LRRFIP1: variants seen among roughly 807,000 people sequenced by gnomAD.
LRRFIP1 encodes leucine-rich repeat flightless-interacting protein 1.
A neutral mutation model predicts 104.4 loss-of-function variants in LRRFIP1; 62 were observed. The observed-to-expected ratio is 0.59, with a 90% CI of 0.48 to 0.73. LRRFIP1 has a LOEUF of 0.73. Among genes scored for constraint, LRRFIP1 ranks in the 30% least tolerant of loss-of-function variants. The pLI is 0.00. For missense variants in LRRFIP1, 796 were observed against 824.5 expected, an observed-to-expected ratio of 0.97 and a Z score of 0.42; for synonymous variants, 300 against 299.0, an observed-to-expected ratio of 1.00 and a Z score of -0.03.
At chr2:237,641,739 T>C (rs1359299223) in intron 1 of LRRFIP1, among the ~76,000 whole-genome samples, 1 of 152,228 alleles carries the variant, frequency 6.6e-6, no homozygotes, top group African/African-American at 2.4e-5. Flanking sequence ...GCTTGTTTTT[T>C]TAAATATGAT....
At chr2:237,650,357 G>A (rs1559470929) in intron 1 of LRRFIP1, among the ~76,000 whole-genome samples, 1 of 151,918 alleles carries the variant, frequency 6.6e-6, no homozygotes, top group Non-Finnish European at 1.5e-5. Context: ...CTGGGGGCGA[G>A]ACTCCCTGGG....
At chr2:237,662,003 C>A (rs1194289388) in intron 1 of LRRFIP1, among the ~76,000 whole-genome samples, 1 of 152,188 alleles carries the variant, frequency 6.6e-6, no homozygotes, top group Non-Finnish European at 1.5e-5. Context: ...AACTGGGTGA[C>A]TTAAAATAAC....
chr2:237,687,750 G>T (rs745657396), intron 1 of LRRFIP1, among the ~76,000 whole-genome samples: 6 of 152,116 alleles, frequency 3.9e-5, no homozygotes, highest in South Asian at 2.1e-4. Flanking sequence ...AGATGTTAGG[G>T]CTCTGATTTA....
intron 1 of LRRFIP1, among the ~76,000 whole-genome samples, chr2:237,707,378 A>C (rs924945433): frequency 2.7e-5 from 4 of 150,182 alleles, no homozygotes; most frequent in Non-Finnish European, 5.9e-5. Context: ...GGCTGCAGTG[A>C]GCTGTGATCA....
chr2:237,772,847 CT>C lies in LRRFIP1; in HGVS notation c.1628-17del. ...AAGCCCAAGAGCTTAACAGATTTTC[CT>C]TCTCTTTCAACCTTTAGGGGATGCC... On this transcript the variant is annotated intron_variant, in intron 21 of 23. Transcript: ENST00000308482. 6.4e-7 allele frequency: 1 copy of C among 1,573,806 alleles called. No individual in the cohort carries two copies. The highest frequency in any genetic ancestry group is 8.7e-7 in the Non-Finnish European group (1 of 1,144,584).
At chr2:237,745,598 C>T (rs1198238692) in intron 11 of LRRFIP1, among the ~76,000 whole-genome samples, 1 of 152,178 alleles carries the variant, frequency 6.6e-6, no homozygotes, top group East Asian at 1.9e-4. Context: ...AGCCCTGCCC[C>T]CCCAAAATCA....
chr2:237,631,229 G>T (rs560773955), intron 1 of LRRFIP1, among the ~76,000 whole-genome samples: 1 of 152,368 alleles, frequency 6.6e-6, no homozygotes, highest in East Asian at 1.9e-4. Context: ...TCTGGGCTGA[G>T]GTCATTGGGA....
At chr2:237,719,588 T>C in intron 5 of LRRFIP1, 21 bp downstream of exon 5, 1 of 1,594,178 alleles carries the variant, frequency 6.3e-7, no homozygotes, top group Non-Finnish European at 8.6e-7. Flanking sequence ...TGTTCATTCA[T>C]TACTTGGGCA....
In LRRFIP1 at chr2:237,751,090, A is replaced by G. The variant is rs1023812691; in HGVS notation, c.796-110A>G. Reference sequence around the variant, plus strand: ...CTTAACGCTTAATAAAATAAAAAAGAAAATTGGGTGCTCAGACTACCCAAA... The same window carrying G: ...CTTAACGCTTAATAAAATAAAAAAGGAAATTGGGTGCTCAGACTACCCAAA... On this transcript the variant is annotated intron_variant, in intron 13 of 23. Coordinates refer to ENST00000308482, the MANE Select transcript of LRRFIP1 (RefSeq NM_001137550.2). 10 of 667,998 alleles carry G rather than the reference A, an allele frequency of 1.5e-5. No homozygotes were observed. In the African/African-American group the frequency reaches 1.8e-4, roughly 12 times the overall value. 41.4% of individuals were successfully genotyped at this position (667,998 alleles called of 1,614,324 possible). A position where few individuals can be genotyped will look rare whatever the true frequency, so the allele number is the denominator to read the frequency against.
At chr2:237,755,251 G>A (rs1184483245) in intron 15 of LRRFIP1, among the ~76,000 whole-genome samples, 4 of 152,202 alleles carry the variant, frequency 2.6e-5, no homozygotes, top group African/African-American at 9.6e-5. Flanking sequence ...GAGCAGCTAG[G>A]TTTTGCAGGC....
chr2:237,762,704 G>A, intron 19 of LRRFIP1: 1 of 1,614,248 alleles, frequency 6.2e-7, no homozygotes, highest in Non-Finnish European at 8.5e-7. Context: ...AGAGGACACA[G>A]TGAAGGACTG....
chr2:237,767,062 G>A (rs1420440851), intron 19 of LRRFIP1, among the ~76,000 whole-genome samples: 1 of 152,156 alleles, frequency 6.6e-6, no homozygotes, highest in East Asian at 1.9e-4. Flanking sequence ...GTAGTCCCAT[G>A]TAGTCCCAGC....
intron 23 of LRRFIP1, among the ~76,000 whole-genome samples, chr2:237,779,051 G>A (rs1405714265): frequency 2.0e-5 from 3 of 152,066 alleles, no homozygotes; most frequent in Admixed American, 6.5e-5. Context: ...GCAAAACCCC[G>A]TCTCTACTAA....
intron 19 of LRRFIP1, chr2:237,768,988 T>A (rs941574185): frequency 6.6e-6 from 1 of 152,234 alleles, no homozygotes. Context: ...AGGGGAGTGT[T>A]CCCGTGGCTG....
In LRRFIP1 at chr2:237,756,123, G is replaced by A. The variant is rs1192525111; in HGVS notation, c.1067G>A (p.Ser356Asn). The A allele has an allele frequency of 5.0e-6, 8 of 1,613,908 alleles. No individual in the cohort carries two copies. The highest frequency in any genetic ancestry group is 1.1e-5 in the South Asian group (1 of 91,088). ...KEFEREKHAH[S>N]ILQFQFAEVK... ...TTTGAAAGGGAAAAACACGCCCACA[G>A]TATACTGCAATTTCAGTTTGCTGAA... Residue 356 changes from serine (S) to asparagine (N), a missense_variant, in exon 16 of 24, where the codon AGT becomes AAT. By Grantham distance (46) the Ser-to-Asn change is conservative. Coordinates refer to ENST00000308482, the MANE Select transcript of LRRFIP1 (RefSeq NM_001137550.2).
In LRRFIP1 at chr2:237,755,285, T is replaced by C. The variant is rs188226332; in HGVS notation, c.1039-810T>C. On this transcript the variant is annotated intron_variant, in intron 15 of 23. Coordinates refer to ENST00000308482, the MANE Select transcript of LRRFIP1 (RefSeq NM_001137550.2). ...GCTCTCCATTTGCTCCCCCAAACTCTCCTGTTTTTGTCTCTTAAGGGGCAG... is the reference window on the plus strand; with the variant it reads ...GCTCTCCATTTGCTCCCCCAAACTCCCCTGTTTTTGTCTCTTAAGGGGCAG... Among the ~76,000 whole-genome samples the C allele has an allele frequency of 3.4e-3, 515 of 152,324 alleles. 6 individuals carry two copies. The highest frequency in any genetic ancestry group is 0.012 in the African/African-American group (485 of 41,572).
chr2:237,646,737 G>A (rs2084980020), intron 1 of LRRFIP1, among the ~76,000 whole-genome samples: 1 of 151,926 alleles, frequency 6.6e-6, no homozygotes, highest in South Asian at 2.1e-4. Flanking sequence ...GGCCGTGTGT[G>A]CACACAGCGA....
rs184693672 is a variant in LRRFIP1, at chr2:237,711,521, T to C, written c.184-2738T>C. On this transcript the variant is annotated intron_variant, in intron 2 of 23. Transcript: ENST00000308482. This position sits in a 1 kb window ranked among gnomAD's most constrained non-coding sequence, Gnocchi z 4.4. ...GCCAACGTCACCTTTTGCACGGTCCTCTGTGGATCTGCAGTCTCGGCTTCC... is the reference window on the plus strand; with the variant it reads ...GCCAACGTCACCTTTTGCACGGTCCCCTGTGGATCTGCAGTCTCGGCTTCC... Among the ~76,000 whole-genome samples the C allele has an allele frequency of 6.6e-6, 1 of 152,350 alleles. No homozygotes were observed. The highest frequency in any genetic ancestry group is 6.5e-5 in the Admixed American group (1 of 15,310).
intron 1 of LRRFIP1, among the ~76,000 whole-genome samples, chr2:237,652,364 C>G (rs1359884882): frequency 6.6e-6 from 1 of 152,114 alleles, no homozygotes; most frequent in Admixed American, 6.5e-5. Context: ...GTGCCAGTGC[C>G]GAGAGGTCAC....
Sources: gnomAD v4.1 joint callset for allele counts (sites outside exome capture counted in the v4.1 genomes callset) on GRCh38, gnomAD v4.1.1 for gene constraint, Gnocchi (gnomAD v3.1) non-coding constraint, MANE v1.5 for transcripts, NCBI Gene and HGNC (gene_info 2026-07-23, HGNC 2026-07-21) for gene names.